LRBA: variants seen among roughly 807,000 people sequenced by gnomAD.
LRBA encodes the protein LPS responsive beige-like anchor protein.
In LRBA, 176 loss-of-function variants were observed where a neutral mutation model predicts 330.0. The ratio of observed to expected loss-of-function variants is 0.53; its 90% CI spans 0.47 to 0.60. LRBA has a LOEUF of 0.60. Ranked by LOEUF, LRBA falls within the 20% of genes least tolerant of loss-of-function variation. The pLI is 0.00. For synonymous variants in LRBA, 1,230 were observed against 1,193.0 expected (o/e 1.03, Z -0.64); for missense variants, 3,259 against 3,444.8 (o/e 0.95, Z 1.35).
chr4:150,315,240 C>T (rs1379583621), intron 51 of LRBA: 4 of 385,166 alleles, frequency 1.0e-5, no homozygotes, highest in Non-Finnish European at 1.4e-5. Context: ...TGCTCCTGCT[C>T]ATCAACAAGT....
intron 34 of LRBA, among the ~76,000 whole-genome samples, chr4:150,783,361 C>A (rs117000543): frequency 6.6e-6 from 1 of 152,182 alleles, no homozygotes; most frequent in East Asian, 1.9e-4. Flanking sequence ...AAATACAAGA[C>A]AAGTCTGAAA....
chr4:150,938,963 T>A (rs533884875), intron 2 of LRBA, among the ~76,000 whole-genome samples: 45 of 152,334 alleles, frequency 3.0e-4, no homozygotes, highest in African/African-American at 1.0e-3. Flanking sequence ...AAATGATGTA[T>A]CCTTATTCCC....
intron 40 of LRBA, among the ~76,000 whole-genome samples, chr4:150,493,549 C>T (rs956775995): frequency 5.3e-5 from 8 of 152,134 alleles, no homozygotes; most frequent in Non-Finnish European, 7.4e-5. Flanking sequence ...CAAAAATATT[C>T]GGATTTCTGT....
At chr4:150,536,110 C>CT (rs1423288867) in intron 40 of LRBA, among the ~76,000 whole-genome samples, 12 of 152,148 alleles carry the variant, frequency 7.9e-5, no homozygotes, top group African/African-American at 2.9e-4. Flanking sequence ...AACAAATGCA[C>CT]TGGTCTCCTC....
At chr4:150,510,027 T>G (rs1322843616) in intron 40 of LRBA, among the ~76,000 whole-genome samples, 1 of 152,060 alleles carries the variant, frequency 6.6e-6, no homozygotes, top group Non-Finnish European at 1.5e-5. Flanking sequence ...TCCCAGGGAC[T>G]TGGGAGGCTG....
At chr4:150,350,268 A>AT in intron 47 of LRBA, 109 bp from the exon 48 acceptor site, 1 of 919,922 alleles carries the variant, frequency 1.1e-6, no homozygotes, top group Non-Finnish European at 1.6e-6. Context: ...GTGAACAAAG[A>AT]TTTTTAAAAA....
At chr4:150,928,469 G>T in intron 4 of LRBA, 47 bp downstream of exon 4, 2 of 1,130,136 alleles carry the variant, frequency 1.8e-6, no homozygotes, top group Non-Finnish European at 2.7e-6. Context: ...GAATGTGTTT[G>T]GGAGGAGCAT....
intron 40 of LRBA, chr4:150,584,299 C>T (rs1771806682): frequency 5.5e-6 from 3 of 542,240 alleles, no homozygotes; most frequent in Non-Finnish European, 9.0e-6. Flanking sequence ...AAATCACATT[C>T]TTGCACAAAA....
intron 2 of LRBA, among the ~76,000 whole-genome samples, chr4:150,953,285 T>C (rs2149548089): frequency 6.6e-6 from 1 of 152,294 alleles, no homozygotes; most frequent in South Asian, 2.1e-4. Flanking sequence ...AGGATATTTA[T>C]TCTCCAGGAT....
intron 56 of LRBA, among the ~76,000 whole-genome samples, chr4:150,272,654 A>C (rs1439876173): frequency 6.6e-6 from 1 of 151,884 alleles, no homozygotes; most frequent in African/African-American, 2.4e-5. Context: ...CAGCACGAGA[A>C]CTTCATGAAG....
At chr4:151,006,579 G>C (rs2915451) in intron 2 of LRBA, among the ~76,000 whole-genome samples, 16,638 of 151,894 alleles carry the variant, frequency 0.11, 1,274 homozygotes, top group South Asian at 0.29. Flanking sequence ...ATATTTTCAA[G>C]AATATGTGTG....
intron 31 of LRBA, 101 bp from the exon 32 acceptor site, chr4:150,808,499 C>A (rs757385015): frequency 2.2e-5 from 15 of 674,454 alleles, no homozygotes; most frequent in Non-Finnish European, 3.1e-5. Context: ...AGCATTATAA[C>A]GTATTTTTAT....
At chr4:150,878,690 C>T (rs939925547) in intron 17 of LRBA, among the ~76,000 whole-genome samples, 1 of 151,268 alleles carries the variant, frequency 6.6e-6, no homozygotes, top group Non-Finnish European at 1.5e-5. Context: ...ACAAAAGATC[C>T]TCAGAGACAA....
In LRBA at chr4:150,330,686, C is replaced by T. The variant is rs149400825; in HGVS notation, c.7363-4788G>A. ...CAGGGGTAGAGCTCAGGCAGTAATGCTTGCCCACCACTCACCTCCTGCTAT... is the reference window on the plus strand; with the variant it reads ...CAGGGGTAGAGCTCAGGCAGTAATGTTTGCCCACCACTCACCTCCTGCTAT... On this transcript the variant is annotated intron_variant, in intron 48 of 56. Transcript: ENST00000651943. Among the ~76,000 whole-genome samples the T allele has an allele frequency of 2.4e-3, 368 of 152,206 alleles. 7 individuals carry two copies. Among genetic ancestry groups the T allele is most frequent in the South Asian group, 2.9e-3 (14 of 4,818 alleles).
intron 40 of LRBA, among the ~76,000 whole-genome samples, chr4:150,534,656 T>C (rs1345180462): frequency 6.7e-6 from 1 of 149,832 alleles, no homozygotes; most frequent in African/African-American, 2.5e-5. Flanking sequence ...TGCTACTAAG[T>C]TTATATTACA....
At chr4:150,635,824 C>T (rs1777840155) in intron 37 of LRBA, among the ~76,000 whole-genome samples, 1 of 152,176 alleles carries the variant, frequency 6.6e-6, no homozygotes, top group Non-Finnish European at 1.5e-5. Flanking sequence ...GATGACACAG[C>T]TGAGAATCAT....
At chr4:150,839,793 AAGT>A (rs1277276813) in intron 28 of LRBA, among the ~76,000 whole-genome samples, 2 of 152,052 alleles carry the variant, frequency 1.3e-5, no homozygotes, top group African/African-American at 4.8e-5. Flanking sequence ...TGTAAATGAC[AAGT>A]TAATGGGTGC....
intron 36 of LRBA, among the ~76,000 whole-genome samples, chr4:150,717,701 A>AATCATCATC (rs1728419462): frequency 6.8e-6 from 1 of 148,048 alleles, no homozygotes; most frequent in African/African-American, 2.5e-5. Context: ...TAATAATAAT[A>AATCATCATC]ATCAGTGCTT....
chr4:150,556,515 G>C (rs931677670), intron 40 of LRBA, among the ~76,000 whole-genome samples: 1 of 152,148 alleles, frequency 6.6e-6, no homozygotes, highest in Admixed American at 6.5e-5. Context: ...TATATACATA[G>C]TTACACAGAA....
Sources: gnomAD v4.1 joint callset for allele counts (sites outside exome capture counted in the v4.1 genomes callset) on GRCh38, gnomAD v4.1.1 for gene constraint, MANE v1.5 for transcripts, NCBI Gene and HGNC (gene_info 2026-07-23, HGNC 2026-07-21) for gene names.